The following CPNE5 variants were observed in gnomAD, a reference collection of about 807,000 sequenced individuals.
CPNE5 encodes the protein copine 5.
In CPNE5, 42 loss-of-function variants were observed where a neutral mutation model predicts 81.1. The ratio of observed to expected loss-of-function variants is 0.52; its 90% CI spans 0.40 to 0.67. CPNE5 has a LOEUF of 0.67. CPNE5 is among the 30% of genes least tolerant of loss of function. The pLI is 0.00. For synonymous variants in CPNE5, 313 were observed against 321.5 expected (o/e 0.97, Z 0.28); for missense variants, 612 against 815.5 (o/e 0.75, Z 3.04).
rs1036434374 is a variant in CPNE5 at position 36,752,238 on chromosome 6, G to A, written c.971+796C>T. 2.6e-5 allele frequency among the ~76,000 whole-genome samples: 4 copies of A among 152,236 alleles called. No individual in the cohort carries two copies. The South Asian group carries it at 6.2e-4, about 24-fold the overall frequency. ...CAGACAGGTGCAGTCACTCACCTGC[G>A]GGCTCTTGGCTGCCCACGCCCTGAC... On this transcript the variant is annotated intron_variant, in intron 14 of 20. Transcript: ENST00000244751.
chr6:36,775,485 G>T (rs1017700784), intron 9 of CPNE5, among the ~76,000 whole-genome samples: 1 of 152,202 alleles, frequency 6.6e-6, no homozygotes, highest in African/African-American at 2.4e-5. Flanking sequence ...AACCTCAGGG[G>T]TCTGTGAACC....
At chr6:36,816,066 C>T (rs916396293) in intron 3 of CPNE5, among the ~76,000 whole-genome samples, 17 of 152,330 alleles carry the variant, frequency 1.1e-4, no homozygotes, top group African/African-American at 4.1e-4. Context: ...GGCCATCCTG[C>T]CTTAGTTAGT....
intron 3 of CPNE5, among the ~76,000 whole-genome samples, chr6:36,813,847 G>T (rs1373448211): frequency 6.6e-6 from 1 of 152,194 alleles, no homozygotes; most frequent in East Asian, 1.9e-4. Context: ...TGGTTCACAG[G>T]ATCTCCAAGG....
At chr6:36,798,094 A>T (rs1769758078) in intron 6 of CPNE5, 71 bp downstream of exon 6, 3 of 1,240,412 alleles carry the variant, frequency 2.4e-6, no homozygotes, top group Non-Finnish European at 3.5e-6. Flanking sequence ...CTTTGTCCCC[A>T]TCCTGAGCCA....
In CPNE5 at chr6:36,766,791, G is replaced by A. The variant is rs1766601015; in HGVS notation, c.738-1415C>T. On this transcript the variant is annotated intron_variant, in intron 10 of 20. Coordinates refer to ENST00000244751, the MANE Select transcript of CPNE5 (RefSeq NM_020939.2). The surrounding 1 kb of genome is among the most constrained non-coding windows in gnomAD (Gnocchi z 4.2). ...GTAAGGCCCGCCTGCTGCATGGGAGGGTCTCTACAAAAATGCCTCCTTCTC... is the reference window on the plus strand; with the variant it reads ...GTAAGGCCCGCCTGCTGCATGGGAGAGTCTCTACAAAAATGCCTCCTTCTC... Among the ~76,000 whole-genome samples the A allele has an allele frequency of 6.6e-6, 1 of 152,120 alleles. No homozygotes were observed. Among genetic ancestry groups the A allele is most frequent in the African/African-American group, 2.4e-5 (1 of 41,418 alleles).
chr6:36,819,522 A>G (rs754634815), intron 3 of CPNE5, among the ~76,000 whole-genome samples: 51 of 152,190 alleles, frequency 3.4e-4, no homozygotes, highest in Non-Finnish European at 1.0e-4. Context: ...CTGGGGGCAG[A>G]GGGAGACAGT....
At chr6:36,743,830 T>A in intron 19 of CPNE5, 68 bp from the exon 20 acceptor site, 2 of 1,370,720 alleles carry the variant, frequency 1.5e-6, no homozygotes, top group Non-Finnish European at 2.1e-6. Context: ...AGCAGGAGAG[T>A]GGACTTGTCC....
chr6:36,751,658 C>T (rs570416543), intron 14 of CPNE5, among the ~76,000 whole-genome samples: 1 of 152,154 alleles, frequency 6.6e-6, no homozygotes, highest in South Asian at 2.1e-4. Flanking sequence ...GGGGTGGTGG[C>T]GCATGCCTGT....
At position 36,742,005 on chromosome 6, in the gene CPNE5, A is replaced by G; in HGVS notation, c.*263T>C. The stretch of plus-strand genomic sequence containing the variant: ...TTGTTTACACCTTCCTGGCTGGGTT[A>G]GAGCCAGGTATTGGGGAAGAAGAGA... On this transcript the variant is annotated 3_prime_UTR_variant, in exon 21 of 21. Coordinates refer to ENST00000244751, the MANE Select transcript of CPNE5 (RefSeq NM_020939.2). The G allele has an allele frequency of 2.1e-6, 1 of 469,280 alleles. No homozygotes were observed. The highest frequency in any genetic ancestry group is 3.8e-6 in the Non-Finnish European group (1 of 264,048). 29.1% of individuals were successfully genotyped at this position (469,280 alleles called of 1,614,324 possible).
At chr6:36,783,741 T>A (rs1174523918) in intron 8 of CPNE5, among the ~76,000 whole-genome samples, 1 of 152,154 alleles carries the variant, frequency 6.6e-6, no homozygotes, top group Non-Finnish European at 1.5e-5. Context: ...GTTGAACTCC[T>A]GAGGTCAAGC....
rs1345695842 is a variant in CPNE5 at position 36,756,317 on chromosome 6, AC to A, written c.856-20del. 8 of 1,612,240 alleles carry A rather than the reference AC, an allele frequency of 5.0e-6. No homozygotes were observed. Among genetic ancestry groups the A allele is most frequent in the African/African-American group, 2.7e-5 (2 of 74,850 alleles). On this transcript the variant is annotated intron_variant, in intron 12 of 20. Transcript: ENST00000244751. Reference sequence around the variant, plus strand: ...TTACCACCTGCAGGAAAAACCAGTTACCAGGTAAGGCATGCTTCCAGGCAGT... The same window carrying A: ...TTACCACCTGCAGGAAAAACCAGTTACAGGTAAGGCATGCTTCCAGGCAGT...
chr6:36,809,329 G>A (rs1445812971), intron 3 of CPNE5, among the ~76,000 whole-genome samples: 2 of 151,974 alleles, frequency 1.3e-5, no homozygotes, highest in Non-Finnish European at 2.9e-5. Context: ...TAACAAGTTG[G>A]GCAGCACTTT....
intron 3 of CPNE5, among the ~76,000 whole-genome samples, chr6:36,820,186 A>G (rs1231612103): frequency 6.6e-6 from 1 of 152,094 alleles, no homozygotes; most frequent in Non-Finnish European, 1.5e-5. Flanking sequence ...ATCCTGACCC[A>G]GTTCCCCTTC....
chr6:36,769,242 C>A (rs938386646), intron 10 of CPNE5, among the ~76,000 whole-genome samples: 1 of 152,168 alleles, frequency 6.6e-6, no homozygotes, highest in Non-Finnish European at 1.5e-5. Context: ...GTAATAATAC[C>A]GTCATTCTAC....
chr6:36,746,634 T>G lies in CPNE5; in HGVS notation c.1019-57A>C. 3.3e-6 allele frequency: 5 copies of G among 1,516,796 alleles called. No homozygotes were observed. The highest frequency in any genetic ancestry group is 4.5e-6 in the Non-Finnish European group (5 of 1,123,030). 94.0% of individuals were successfully genotyped at this position (1,516,796 alleles called of 1,614,324 possible). ...TCTGGACCCTCCAAGTCACCCCGGGTTCAGAATGAAGAAGGGGGTGTCCAA... is the reference window on the plus strand; with the variant it reads ...TCTGGACCCTCCAAGTCACCCCGGGGTCAGAATGAAGAAGGGGGTGTCCAA... On this transcript the variant is annotated intron_variant, in intron 15 of 20. Coordinates refer to ENST00000244751, the MANE Select transcript of CPNE5 (RefSeq NM_020939.2). This position sits in a 1 kb window ranked among gnomAD's most constrained non-coding sequence, Gnocchi z 4.5.
chr6:36,782,851 A>G (rs1327473897), intron 8 of CPNE5, among the ~76,000 whole-genome samples: 1 of 151,454 alleles, frequency 6.6e-6, no homozygotes, highest in Non-Finnish European at 1.5e-5. Context: ...ACACACACAC[A>G]CACACACACA....
chr6:36,798,637 G>T, intron 4 of CPNE5, 143 bp from the exon 5 acceptor site: 2 of 711,754 alleles, frequency 2.8e-6, no homozygotes, highest in Non-Finnish European at 2.5e-6. Context: ...ATGGTTGGAA[G>T]ACATGACAGG....
chr6:36,774,076 T>C lies in CPNE5; in HGVS notation c.737+885A>G, dbSNP rs1582831241. Reference sequence around the variant, plus strand: ...GCCTGGGTGAAAGAGTGAAATCCCATCTCAATTAAAAAAAAAAAAAAAATC... The same window carrying C: ...GCCTGGGTGAAAGAGTGAAATCCCACCTCAATTAAAAAAAAAAAAAAAATC... On this transcript the variant is annotated intron_variant, in intron 10 of 20. Coordinates refer to ENST00000244751, the MANE Select transcript of CPNE5 (RefSeq NM_020939.2). 3.9e-5 allele frequency among the ~76,000 whole-genome samples: 5 copies of C among 128,700 alleles called. No individual in the cohort carries two copies. The South Asian group carries it at 7.0e-4, about 18-fold the overall frequency. The allele number at this position is 128,700 out of a possible 152,430, so 84.4% of individuals were successfully genotyped here.
Position 36,742,294 on chromosome 6 carries a change from C to G in CPNE5, c.1756G>C (p.Ala586Pro), listed in dbSNP as rs747714219. 43 of 1,600,286 alleles carry G rather than the reference C, an allele frequency of 2.7e-5. No individual in the cohort carries two copies. Among genetic ancestry groups the G allele is most frequent in the Admixed American group, 3.3e-5 (2 of 59,728 alleles). Residue 586 changes from alanine to proline, a missense_variant, in exon 21 of 21, where the codon GCG becomes CCG. Coordinates refer to ENST00000244751, the MANE Select transcript of CPNE5 (RefSeq NM_020939.2). Reference protein sequence around the residue: ...PSQSPARTPPASPLHTHI With the variant: ...PSQSPARTPPPSPLHTHI ...CAGATGTGCGTGTGCAGGGGGGACG[C>G]AGGGGGCGTGCGGGCTGGGGACTGC...
Sources: allele counts gnomAD v4.1 joint callset (sites outside exome capture counted in the v4.1 genomes callset), GRCh38; gene constraint gnomAD v4.1.1; non-coding constraint Gnocchi (gnomAD v3.1); transcripts MANE v1.5; gene names NCBI Gene and HGNC (gene_info 2026-07-23, HGNC 2026-07-21).